AGBL4: variants seen among roughly 807,000 people sequenced by gnomAD.
The protein encoded by AGBL4 is AGBL carboxypeptidase 4, also known as cytosolic carboxypeptidase 6.
AGBL4 carries 58 observed loss-of-function variants against 66.4 expected under a neutral mutation model. That is an observed-to-expected ratio of 0.87 (90% CI 0.71 to 1.09). AGBL4 has a LOEUF of 1.09. Ranked by LOEUF, AGBL4 falls within the 50% of genes least tolerant of loss-of-function variation. The pLI is 0.00. For synonymous variants in AGBL4, 234 were observed against 222.9 expected, an observed-to-expected ratio of 1.05 and a Z score of -0.44; for missense variants, 579 against 631.0, an observed-to-expected ratio of 0.92 and a Z score of 0.88.
At chr1:49,743,960 C>T (rs1233937267) in intron 2 of AGBL4, among the ~76,000 whole-genome samples, 3 of 151,080 alleles carry the variant, frequency 2.0e-5, no homozygotes, top group Admixed American at 6.6e-5. Context: ...TGTTAAATGA[C>T]GAGTTAGTGG....
chr1:48,689,030 T>C (rs72902826), intron 6 of AGBL4, among the ~76,000 whole-genome samples: 5,870 of 151,210 alleles, frequency 0.039, 379 homozygotes, highest in African/African-American at 0.14. Flanking sequence ...AGAAGATCCA[T>C]TGTGGTGAAA....
At chr1:48,971,487 CAG>C (rs1238110238) in intron 5 of AGBL4, among the ~76,000 whole-genome samples, 4 of 151,954 alleles carry the variant, frequency 2.6e-5, no homozygotes, top group Non-Finnish European at 5.9e-5. Context: ...GGAAAAAAAA[CAG>C]AAAAACTGTT....
chr1:48,598,791 T>A (rs1361319375), intron 9 of AGBL4, among the ~76,000 whole-genome samples: 1 of 152,040 alleles, frequency 6.6e-6, no homozygotes, highest in African/African-American at 2.4e-5. Context: ...AAATTTATTT[T>A]AAAACATTTT....
intron 4 of AGBL4, among the ~76,000 whole-genome samples, chr1:49,099,763 A>G (rs1219882390): frequency 2.0e-5 from 3 of 152,046 alleles, no homozygotes; most frequent in Non-Finnish European, 1.5e-5. Flanking sequence ...TGTCAGAGTA[A>G]GACACAGGCA....
intron 3 of AGBL4, among the ~76,000 whole-genome samples, chr1:49,441,695 C>A (rs1035158340): frequency 6.6e-6 from 1 of 152,228 alleles, no homozygotes. Flanking sequence ...AGTCACTCAA[C>A]TTCAAAATTT....
At chr1:49,213,798 G>T (rs1487808723) in intron 4 of AGBL4, among the ~76,000 whole-genome samples, 1 of 151,984 alleles carries the variant, frequency 6.6e-6, no homozygotes, top group Non-Finnish European at 1.5e-5. Flanking sequence ...ACCTCCTTAG[G>T]AAGATTTCTC....
chr1:48,580,194 C>A (rs975524618), intron 11 of AGBL4, among the ~76,000 whole-genome samples: 1 of 152,172 alleles, frequency 6.6e-6, no homozygotes, highest in Non-Finnish European at 1.5e-5. Context: ...TAGGAAGGAA[C>A]CATAAGCAAC....
intron 12 of AGBL4, among the ~76,000 whole-genome samples, chr1:48,535,364 C>T (rs1041316062): frequency 3.3e-5 from 5 of 152,112 alleles, no homozygotes; most frequent in Non-Finnish European, 5.9e-5. Flanking sequence ...CATCCCCAGG[C>T]CTTTGTAGCA....
chr1:49,403,258 T>C (rs2148614792), intron 3 of AGBL4, among the ~76,000 whole-genome samples: 1 of 152,346 alleles, frequency 6.6e-6, no homozygotes, highest in South Asian at 2.1e-4. Context: ...CCTCTTATCT[T>C]TTTCTCTTGA....
intron 2 of AGBL4, among the ~76,000 whole-genome samples, chr1:49,737,827 T>A (rs1403479424): frequency 2.0e-5 from 3 of 152,180 alleles, no homozygotes; most frequent in Non-Finnish European, 4.4e-5. Flanking sequence ...CAAAACTTTT[T>A]TATAAAAAAA....
At position 49,306,441 on chromosome 1, in the gene AGBL4, A is replaced by G. The variant is rs1644850295; in HGVS notation, c.283-60577T>C. On this transcript the variant is annotated intron_variant, in intron 3 of 13. Transcript: ENST00000371839. Reference sequence around the variant, plus strand: ...CCTCTCAGCCTCTAGTCTCTGCTGTATGTTTATTTCATTATTCTTTCTCTT... The same window carrying G: ...CCTCTCAGCCTCTAGTCTCTGCTGTGTGTTTATTTCATTATTCTTTCTCTT... Among the ~76,000 whole-genome samples, 3 of 152,168 alleles carry G rather than the reference A, an allele frequency of 2.0e-5. No homozygotes were observed. In the South Asian group the frequency reaches 6.2e-4, roughly 32 times the overall value.
chr1:48,775,289 T>C (rs1044423867), intron 6 of AGBL4, among the ~76,000 whole-genome samples: 1 of 152,154 alleles, frequency 6.6e-6, no homozygotes, highest in Non-Finnish European at 1.5e-5. Flanking sequence ...TCTTCCACTC[T>C]TCAACTTCTG....
At chr1:49,788,409 C>T (rs1299164183) in intron 2 of AGBL4, among the ~76,000 whole-genome samples, 3 of 150,232 alleles carry the variant, frequency 2.0e-5, no homozygotes, top group Non-Finnish European at 4.5e-5. Context: ...TCTAGATATA[C>T]AAAGAAAAAT....
At chr1:48,543,095 C>T (rs557519529) in intron 11 of AGBL4, among the ~76,000 whole-genome samples, 92 of 152,216 alleles carry the variant, frequency 6.0e-4, no homozygotes, top group African/African-American at 2.2e-3. Flanking sequence ...ATCGACCTTC[C>T]CAAACTACCT....
At chr1:49,615,421 G>T (rs1046114068) in intron 3 of AGBL4, among the ~76,000 whole-genome samples, 6 of 152,254 alleles carry the variant, frequency 3.9e-5, no homozygotes, top group Non-Finnish European at 8.8e-5. Flanking sequence ...TTGGAGAGAT[G>T]ATCTCAATTT....
chr1:49,520,465 G>A (rs1244373071), intron 3 of AGBL4, among the ~76,000 whole-genome samples: 2 of 152,002 alleles, frequency 1.3e-5, no homozygotes, highest in Admixed American at 6.5e-5. Flanking sequence ...TTGATATGAT[G>A]AGAGTTAGAA....
At chr1:48,984,013 G>C (rs958063456) in intron 5 of AGBL4, among the ~76,000 whole-genome samples, 1 of 152,070 alleles carries the variant, frequency 6.6e-6, no homozygotes, top group Non-Finnish European at 1.5e-5. Context: ...TATAGGTAAG[G>C]CATGCCAGGA....
chr1:49,726,088 G>C lies in AGBL4; in HGVS notation c.158-28651C>G, dbSNP rs181801364. Among the ~76,000 whole-genome samples, 81 of 152,204 alleles carry C rather than the reference G, an allele frequency of 5.3e-4. No homozygotes were observed. The Middle Eastern group carries it at 0.01, about 19-fold the overall frequency. On this transcript the variant is annotated intron_variant, in intron 2 of 13. Transcript: ENST00000371839. Reference sequence around the variant, plus strand: ...AAACACTATAAATATAGTGAAGCAAGTATAATGACAATGACGGTAGAATTA... The same window carrying C: ...AAACACTATAAATATAGTGAAGCAACTATAATGACAATGACGGTAGAATTA...
chr1:49,759,892 T>C (rs994800492), intron 2 of AGBL4, among the ~76,000 whole-genome samples: 3 of 152,178 alleles, frequency 2.0e-5, no homozygotes, highest in Non-Finnish European at 4.4e-5. Context: ...TTATGTGAGA[T>C]ATCAAGGCTA....
Sources: allele counts gnomAD v4.1 joint callset (sites outside exome capture counted in the v4.1 genomes callset), GRCh38; gene constraint gnomAD v4.1.1; transcripts MANE v1.5; gene names NCBI Gene and HGNC (gene_info 2026-07-23, HGNC 2026-07-21).